Variants in MAD1L1 observed in about 807,000 individuals in gnomAD.
MAD1L1 encodes the protein mitotic arrest deficient 1 like 1.
A neutral mutation model predicts 96.9 loss-of-function variants in MAD1L1; 95 were observed. That is an observed-to-expected ratio of 0.98 (90% CI 0.83 to 1.16). The LOEUF is 1.16. Among genes scored for constraint, MAD1L1 ranks in the 50% most tolerant of loss-of-function variants. The pLI is 0.00. For missense variants in MAD1L1, 1,007 were observed against 954.4 expected (o/e 1.06, Z -0.73); for synonymous variants, 473 against 396.6 (o/e 1.19, Z -2.29).
intron 12 of MAD1L1, among the ~76,000 whole-genome samples, chr7:2,019,069 T>C (rs539379045): frequency 5.3e-5 from 8 of 152,260 alleles, no homozygotes; most frequent in African/African-American, 4.8e-5. Context: ...AGAAACTGAA[T>C]AGATTCAGGC....
chr7:1,902,499 C>T lies in MAD1L1; in HGVS notation c.1808-4109G>A, dbSNP rs141011153. The stretch of plus-strand genomic sequence containing the variant: ...TACTTTTCTCTACATCCTCTTTACT[C>T]CTTCGAGTGTTACGGGGCACACGCA... On this transcript the variant is annotated intron_variant, in intron 17 of 18. Coordinates refer to ENST00000265854, the MANE Select transcript of MAD1L1 (RefSeq NM_001013836.2). Among the ~76,000 whole-genome samples the T allele has an allele frequency of 1.4e-4, 22 of 152,330 alleles. No homozygotes were observed. In the East Asian group the frequency reaches 4.1e-3, roughly 28 times the overall value.
At chr7:1,987,577 G>T (rs777978007) in intron 14 of MAD1L1, among the ~76,000 whole-genome samples, 3 of 151,996 alleles carry the variant, frequency 2.0e-5, no homozygotes, top group African/African-American at 7.2e-5. Context: ...GGGAGGGGGG[G>T]AGAGGCAGGT....
At chr7:1,936,952 G>A in intron 16 of MAD1L1, 55 bp from the exon 17 acceptor site, 1 of 1,409,798 alleles carries the variant, frequency 7.1e-7, no homozygotes, top group African/African-American at 1.4e-5. Context: ...ACGCAGCACG[G>A]GTCACACACA....
intron 11 of MAD1L1, among the ~76,000 whole-genome samples, chr7:2,144,648 G>C (rs1789204216): frequency 6.6e-6 from 1 of 152,144 alleles, no homozygotes; most frequent in Non-Finnish European, 1.5e-5. Context: ...AGGGGTGCTT[G>C]GGTCCCTAAG....
At chr7:1,964,855 G>A (rs1489030291) in intron 15 of MAD1L1, among the ~76,000 whole-genome samples, 1 of 152,210 alleles carries the variant, frequency 6.6e-6, no homozygotes, top group African/African-American at 2.4e-5. Context: ...ATGGGGGCGG[G>A]AGGCCTGGGT....
In MAD1L1 at chr7:1,924,268, G is replaced by A. The variant is rs545853661; in HGVS notation, c.1807+12419C>T. Among the ~76,000 whole-genome samples the A allele has an allele frequency of 3.3e-4, 51 of 152,318 alleles. No homozygotes were observed. In the South Asian group the frequency reaches 6.6e-3, roughly 20 times the overall value. ...ACATCACCACAGGAGTCCTTCTCGC[G>A]GCAGGGTGGCAGGCATTACACCCAC... On this transcript the variant is annotated intron_variant, in intron 17 of 18. Coordinates refer to ENST00000265854, the MANE Select transcript of MAD1L1 (RefSeq NM_001013836.2).
chr7:1,870,279 CGCTG>C (rs1562475188), intron 18 of MAD1L1, among the ~76,000 whole-genome samples: 77 of 149,860 alleles, frequency 5.1e-4, no homozygotes, highest in African/African-American at 1.8e-3. Flanking sequence ...ATGCCTGCCA[CGCTG>C]AACCGACCGT....
intron 18 of MAD1L1, among the ~76,000 whole-genome samples, chr7:1,854,929 G>A (rs183473306): frequency 6.6e-5 from 10 of 152,372 alleles, no homozygotes; most frequent in Admixed American, 5.2e-4. Flanking sequence ...CCAGAGGCCT[G>A]AGAGCTGCCG....
intron 18 of MAD1L1, among the ~76,000 whole-genome samples, chr7:1,853,370 G>A (rs1784079808): frequency 6.6e-6 from 1 of 152,204 alleles, no homozygotes; most frequent in Admixed American, 6.5e-5. Context: ...TCTGGAAAGA[G>A]CGGAGGTGGA....
intron 14 of MAD1L1, among the ~76,000 whole-genome samples, chr7:1,989,924 C>G (rs1017681917): frequency 1.3e-5 from 2 of 152,198 alleles, no homozygotes; most frequent in African/African-American, 4.8e-5. Context: ...AACTCACTAG[C>G]GCAGCATAAC....
intron 11 of MAD1L1, among the ~76,000 whole-genome samples, chr7:2,107,163 A>G (rs980635455): frequency 7.2e-5 from 11 of 152,228 alleles, no homozygotes; most frequent in Admixed American, 2.0e-4. Context: ...CTAGCAACAC[A>G]GAGGAGTCGC....
chr7:1,821,903 T>TG (rs1165727147), intron 18 of MAD1L1, among the ~76,000 whole-genome samples: 29 of 152,196 alleles, frequency 1.9e-4, no homozygotes, highest in African/African-American at 6.5e-4. Flanking sequence ...CAACCCAGCA[T>TG]GGGAGCTCCT....
intron 11 of MAD1L1, among the ~76,000 whole-genome samples, chr7:2,094,737 G>C (rs1331504963): frequency 6.6e-6 from 1 of 152,188 alleles, no homozygotes; most frequent in Non-Finnish European, 1.5e-5. Context: ...CAGCTCGCAG[G>C]TGCAAAGCAG....
chr7:2,026,635 G>A (rs1783007175), intron 12 of MAD1L1, among the ~76,000 whole-genome samples: 1 of 152,114 alleles, frequency 6.6e-6, no homozygotes, highest in African/African-American at 2.4e-5. Context: ...AAATCAATAA[G>A]AAGATACCTG....
intron 10 of MAD1L1, among the ~76,000 whole-genome samples, chr7:2,163,058 GC>G (rs1286811963): frequency 1.3e-5 from 2 of 152,018 alleles, no homozygotes; most frequent in Admixed American, 1.3e-4. Flanking sequence ...AAAGCATTCA[GC>G]TTTGTCTTCA....
At chr7:1,852,921 G>T (rs1300067547) in intron 18 of MAD1L1, among the ~76,000 whole-genome samples, 1 of 152,156 alleles carries the variant, frequency 6.6e-6, no homozygotes, top group African/African-American at 2.4e-5. Context: ...GCCCATGTCT[G>T]CATCATTTAT....
intron 14 of MAD1L1, among the ~76,000 whole-genome samples, chr7:1,997,671 G>A (rs1781617129): frequency 6.6e-6 from 1 of 152,264 alleles, no homozygotes; most frequent in South Asian, 2.1e-4. Context: ...CACAGAGAAG[G>A]GGCAACCTGG....
chr7:1,940,018 G>C (rs183083857), intron 16 of MAD1L1: 1 of 152,460 alleles, frequency 6.6e-6, no homozygotes, highest in African/African-American at 2.4e-5. Context: ...CTGACGTCAC[G>C]TCACACAAGC....
chr7:1,904,046 G>A (rs1217178893), intron 17 of MAD1L1, among the ~76,000 whole-genome samples: 2 of 122,144 alleles, frequency 1.6e-5, no homozygotes, highest in Non-Finnish European at 1.8e-5. Context: ...ACTCATGATT[G>A]ATGAAGCACT....
Sources: gnomAD v4.1 joint callset for allele counts (sites outside exome capture counted in the v4.1 genomes callset) on GRCh38, gnomAD v4.1.1 for gene constraint, MANE v1.5 for transcripts, NCBI Gene and HGNC (gene_info 2026-07-23, HGNC 2026-07-21) for gene names.